Variants in PRKCA observed in about 807,000 individuals in gnomAD.
PRKCA encodes protein kinase C alpha.
PRKCA carries 27 observed loss-of-function variants against 87.0 expected under a neutral mutation model. The ratio of observed to expected loss-of-function variants is 0.31; its 90% CI spans 0.23 to 0.43. The LOEUF (loss-of-function observed/expected upper bound fraction) is 0.43, where lower values mean the gene tolerates loss of function less well. Among genes scored for constraint, PRKCA ranks in the 20% least tolerant of loss-of-function variants. The pLI is 1.00. For synonymous variants in PRKCA, 329 were observed against 311.1 expected, an observed-to-expected ratio of 1.06 and a Z score of -0.61; for missense variants, 518 against 852.3, an observed-to-expected ratio of 0.61 and a Z score of 4.88.
chr17:66,321,329 T>C (rs929256633), intron 2 of PRKCA, among the ~76,000 whole-genome samples: 5 of 152,206 alleles, frequency 3.3e-5, no homozygotes, highest in African/African-American at 1.2e-4. Flanking sequence ...ATATTCAGAA[T>C]GAGAAACTGA....
chr17:66,363,787 C>G (rs1908537375), intron 2 of PRKCA, among the ~76,000 whole-genome samples: 1 of 152,190 alleles, frequency 6.6e-6, no homozygotes, highest in African/African-American at 2.4e-5. Context: ...ACTGCAACCT[C>G]TGCCTCCCGG....
chr17:66,509,079 G>A (rs983752899), intron 3 of PRKCA, among the ~76,000 whole-genome samples: 2 of 152,000 alleles, frequency 1.3e-5, no homozygotes, highest in African/African-American at 2.4e-5. Context: ...GCTTCCCCTG[G>A]CGCTGTGTTT....
At chr17:66,521,388 C>G (rs1967156034) in intron 3 of PRKCA, among the ~76,000 whole-genome samples, 1 of 152,220 alleles carries the variant, frequency 6.6e-6, no homozygotes, top group African/African-American at 2.4e-5. Context: ...CAGAGGCAAA[C>G]TCCTATGTAA....
At chr17:66,507,774 A>G (rs1348734659) in intron 3 of PRKCA, among the ~76,000 whole-genome samples, 1 of 152,170 alleles carries the variant, frequency 6.6e-6, no homozygotes, top group Non-Finnish European at 1.5e-5. Context: ...GCTGGGGCTT[A>G]TTCCTGGATT....
chr17:66,497,807 T>C (rs369879674), intron 3 of PRKCA, among the ~76,000 whole-genome samples: 1 of 152,210 alleles, frequency 6.6e-6, no homozygotes, highest in African/African-American at 2.4e-5. Flanking sequence ...GATGACATTT[T>C]TGCAGTGTGC....
At chr17:66,482,383 C>T (rs370486572) in intron 2 of PRKCA, among the ~76,000 whole-genome samples, 6 of 152,304 alleles carry the variant, frequency 3.9e-5, no homozygotes, top group Admixed American at 1.3e-4. Context: ...TCACCCCTTC[C>T]AGTGCCCACC....
chr17:66,503,531 G>A (rs1257090054), intron 3 of PRKCA, among the ~76,000 whole-genome samples: 3 of 152,216 alleles, frequency 2.0e-5, no homozygotes, highest in Non-Finnish European at 4.4e-5. Flanking sequence ...AAGAAGCTGA[G>A]CGCACTGACT....
Position 66,809,524 on chromosome 17 carries a change from G to A in PRKCA, c.*5487G>A, listed in dbSNP as rs1246937461. The A allele has an allele frequency of 1.3e-5, 2 of 152,172 alleles. No homozygotes were observed. The highest frequency in any genetic ancestry group is 2.9e-5 in the Non-Finnish European group (2 of 68,026). The allele number at this position is 152,172 out of a possible 1,614,324, so 9.4% of individuals were successfully genotyped here. On this transcript the variant is annotated 3_prime_UTR_variant, in exon 17 of 17. Coordinates refer to ENST00000413366, the MANE Select transcript of PRKCA (RefSeq NM_002737.3). ...TTTAAAAATGAGTTTTTAGAACAAA[G>A]CAACTGACGATTTCCTAAGATTCCA...
chr17:66,458,561 A>C (rs1598689896), intron 2 of PRKCA, among the ~76,000 whole-genome samples: 1 of 151,506 alleles, frequency 6.6e-6, no homozygotes, highest in Non-Finnish European at 1.5e-5. Context: ...GCTCACTACA[A>C]CCTCCACTTC....
chr17:66,636,975 C>T (rs1008053748), intron 3 of PRKCA, among the ~76,000 whole-genome samples: 1 of 152,082 alleles, frequency 6.6e-6, no homozygotes, highest in African/African-American at 2.4e-5. Flanking sequence ...TTATTACTGT[C>T]GTTGTAATTC....
chr17:66,323,847 G>T (rs1400195395), intron 2 of PRKCA, among the ~76,000 whole-genome samples: 1 of 152,122 alleles, frequency 6.6e-6, no homozygotes, highest in Non-Finnish European at 1.5e-5. Context: ...GGCTGAGACA[G>T]AATGGCTTGA....
At chr17:66,446,069 C>T (rs1914019805) in intron 2 of PRKCA, among the ~76,000 whole-genome samples, 1 of 152,166 alleles carries the variant, frequency 6.6e-6, no homozygotes, top group East Asian at 1.9e-4. Context: ...GCACCTCGGC[C>T]TCCCTAAGTG....
chr17:66,697,476 G>A (rs1410393152), intron 8 of PRKCA, among the ~76,000 whole-genome samples: 3 of 152,142 alleles, frequency 2.0e-5, no homozygotes, highest in African/African-American at 7.2e-5. Flanking sequence ...TACTTTATCT[G>A]TATTACCCCT....
At position 66,584,396 on chromosome 17, in the gene PRKCA, A is replaced by AT. The variant is rs112861529; in HGVS notation, c.289-56950dup. Among the ~76,000 whole-genome samples the AT allele has an allele frequency of 6.8e-3, 1,021 of 149,942 alleles. 37 individuals are homozygous for AT. The highest frequency in any genetic ancestry group is 0.059 in the Admixed American group (883 of 15,048). On this transcript the variant is annotated intron_variant, in intron 3 of 16. Transcript: ENST00000413366. ...GCCACCATGCCCAGCTGATTTTTGT[A>AT]TTTTTTTTTAGTAGAGACAGGGTTT...
At chr17:66,491,989 G>A (rs1916265712) in intron 2 of PRKCA, among the ~76,000 whole-genome samples, 1 of 151,426 alleles carries the variant, frequency 6.6e-6, no homozygotes, top group Admixed American at 6.6e-5. Context: ...AGGAGAGGGG[G>A]CATCTACACT....
intron 13 of PRKCA, among the ~76,000 whole-genome samples, chr17:66,762,719 C>G (rs1352157892): frequency 6.6e-6 from 1 of 152,176 alleles, no homozygotes; most frequent in African/African-American, 2.4e-5. Flanking sequence ...TGTTAACCAG[C>G]CCAATGACCT....
At chr17:66,390,577 A>T (rs557512438) in intron 2 of PRKCA, among the ~76,000 whole-genome samples, 221 of 152,304 alleles carry the variant, frequency 1.5e-3, no homozygotes, top group Middle Eastern at 3.4e-3. Flanking sequence ...GATGCCATGA[A>T]CTTGGATTTC....
At chr17:66,308,148 C>T (rs187934040) in intron 2 of PRKCA, among the ~76,000 whole-genome samples, 2 of 152,230 alleles carry the variant, frequency 1.3e-5, no homozygotes, top group Admixed American at 1.3e-4. Flanking sequence ...TTATTGGACA[C>T]TAGTATAGGT....
At chr17:66,691,774 G>A (rs1435805472) in intron 8 of PRKCA, among the ~76,000 whole-genome samples, 2 of 152,198 alleles carry the variant, frequency 1.3e-5, no homozygotes, top group Non-Finnish European at 2.9e-5. Context: ...GGCTGTTGAC[G>A]CAGAAAGAGT....
Sources: allele counts gnomAD v4.1 joint callset (sites outside exome capture counted in the v4.1 genomes callset), GRCh38; gene constraint gnomAD v4.1.1; transcripts MANE v1.5; gene names NCBI Gene and HGNC (gene_info 2026-07-23, HGNC 2026-07-21).